The following CDH13 variants were observed in gnomAD, a reference collection of about 807,000 sequenced individuals.
CDH13 encodes cadherin 13, also known as cadherin-13.
CDH13 carries 24 observed loss-of-function variants against 63.8 expected under a neutral mutation model. The observed-to-expected ratio is 0.38, with a 90% CI of 0.27 to 0.53. The LOEUF (loss-of-function observed/expected upper bound fraction) is 0.53. CDH13 is among the 20% of genes least tolerant of loss of function. The pLI is 0.85. For missense variants in CDH13, 1,049 were observed against 903.1 expected (o/e 1.16, Z -2.07); for synonymous variants, 503 against 355.3 (o/e 1.42, Z -4.67).
chr16:82,853,302 C>G (rs979055492), intron 1 of CDH13, among the ~76,000 whole-genome samples: 1 of 152,150 alleles, frequency 6.6e-6, no homozygotes, highest in African/African-American at 2.4e-5. Context: ...ATTCACTGAA[C>G]AGTTTTTTAG....
intron 1 of CDH13, among the ~76,000 whole-genome samples, chr16:82,836,520 G>T (rs2038775433): frequency 6.6e-6 from 1 of 152,092 alleles, no homozygotes; most frequent in South Asian, 2.1e-4. Context: ...ATGCCAAAGT[G>T]GGTGTATGTA....
At chr16:83,423,168 C>A (rs979258530) in intron 6 of CDH13, among the ~76,000 whole-genome samples, 3 of 152,144 alleles carry the variant, frequency 2.0e-5, no homozygotes, top group Non-Finnish European at 4.4e-5. Context: ...CCACAAAAAT[C>A]TGTTTTGTTT....
intron 4 of CDH13, among the ~76,000 whole-genome samples, chr16:83,140,661 G>T (rs907633902): frequency 2.2e-4 from 33 of 152,104 alleles, no homozygotes. Context: ...TGCCATGTTG[G>T]CCAGGCTTGT....
At chr16:82,965,018 C>T (rs1008118834) in intron 2 of CDH13, among the ~76,000 whole-genome samples, 1 of 152,192 alleles carries the variant, frequency 6.6e-6, no homozygotes, top group South Asian at 2.1e-4. Flanking sequence ...GTTTAGCAAT[C>T]GCTGAGTACT....
chr16:83,667,018 GAT>G (rs1914030085), intron 8 of CDH13, among the ~76,000 whole-genome samples: 1 of 131,588 alleles, frequency 7.6e-6, no homozygotes, highest in Admixed American at 8.3e-5. Flanking sequence ...TGGATGGATG[GAT>G]GGATGGATGG....
At chr16:83,255,514 A>C (rs974314585) in intron 5 of CDH13, among the ~76,000 whole-genome samples, 4 of 152,184 alleles carry the variant, frequency 2.6e-5, no homozygotes, top group Non-Finnish European at 5.9e-5. Flanking sequence ...ATGTCCAGTA[A>C]AGAATGGGCT....
chr16:83,598,245 G>C (rs1025825560), intron 7 of CDH13, among the ~76,000 whole-genome samples: 3 of 152,076 alleles, frequency 2.0e-5, no homozygotes, highest in African/African-American at 7.2e-5. Context: ...TGTGATTATA[G>C]TCCCAGCTAC....
chr16:83,739,219 T>G (rs1014333475), intron 10 of CDH13, among the ~76,000 whole-genome samples: 18 of 152,216 alleles, frequency 1.2e-4, no homozygotes, highest in Non-Finnish European at 2.9e-5. Context: ...TCAAGAATTT[T>G]GCTAATGCCA....
At chr16:83,636,994 A>G (rs923649649) in intron 8 of CDH13, among the ~76,000 whole-genome samples, 4 of 152,056 alleles carry the variant, frequency 2.6e-5, no homozygotes, top group African/African-American at 4.8e-5. Flanking sequence ...TTTGATTTGC[A>G]TTTCTCTGCT....
chr16:83,171,010 G>T (rs1269189800), intron 4 of CDH13, among the ~76,000 whole-genome samples: 1 of 151,878 alleles, frequency 6.6e-6, no homozygotes, highest in South Asian at 2.1e-4. Context: ...TTTTTTGAGG[G>T]AAGCTGTATT....
At chr16:82,941,817 C>T (rs997127948) in intron 2 of CDH13, among the ~76,000 whole-genome samples, 2 of 152,192 alleles carry the variant, frequency 1.3e-5, no homozygotes, top group Non-Finnish European at 2.9e-5. Flanking sequence ...CTTGCTCCCT[C>T]ATTGAGTTCC....
rs1339718034 is a variant in CDH13, at chr16:83,309,972, A to G, written c.637-34890A>G. The stretch of plus-strand genomic sequence containing the variant: ...ATAGCAAAACATTTATGAAAGGGAG[A>G]CAGAGCTTCAGATGAGTGGGTACAA... On this transcript the variant is annotated intron_variant, in intron 5 of 13. Transcript: ENST00000567109. Among the ~76,000 whole-genome samples the G allele has an allele frequency of 2.0e-5, 3 of 152,314 alleles. No individual in the cohort carries two copies. In the East Asian group the frequency reaches 5.8e-4, roughly 29 times the overall value.
intron 3 of CDH13, among the ~76,000 whole-genome samples, chr16:83,102,948 CTTTTTTTTTTTT>C (rs71148813): frequency 7.2e-5 from 5 of 69,028 alleles, no homozygotes; most frequent in Admixed American, 3.6e-4. Context: ...TTTTCTTTTT[CTTTTTTTTTTTT>C]TTTTTTTTTT....
intron 2 of CDH13, among the ~76,000 whole-genome samples, chr16:82,966,286 C>T (rs1250418578): frequency 6.6e-6 from 1 of 151,982 alleles, no homozygotes; most frequent in Non-Finnish European, 1.5e-5. Context: ...GTAGCTGGGA[C>T]TACAGGCGCC....
intron 9 of CDH13, among the ~76,000 whole-genome samples, chr16:83,676,177 A>G (rs953710047): frequency 6.6e-5 from 10 of 152,218 alleles, no homozygotes; most frequent in African/African-American, 2.4e-4. Context: ...GGTTATTTCC[A>G]AGCATTTTGA....
rs1193137789 is a variant in CDH13, at chr16:82,639,429, G to A, written c.45+12292G>A. 5 of 1,535,492 alleles carry A rather than the reference G, an allele frequency of 3.3e-6. No individual in the cohort carries two copies. The South Asian group carries it at 4.8e-5, about 15-fold the overall frequency. On this transcript the variant is annotated intron_variant, in intron 1 of 13. Coordinates refer to ENST00000567109, the MANE Select transcript of CDH13 (RefSeq NM_001257.5). ...ATCCCAGTGAGAATGGCCCACAGATGCCTGGGCGTGACCCACCTGCAGCTT... is the reference window on the plus strand; with the variant it reads ...ATCCCAGTGAGAATGGCCCACAGATACCTGGGCGTGACCCACCTGCAGCTT...
At chr16:83,770,316 C>T (rs1010794905) in intron 11 of CDH13, among the ~76,000 whole-genome samples, 2 of 152,180 alleles carry the variant, frequency 1.3e-5, no homozygotes, top group East Asian at 1.9e-4. Flanking sequence ...GGCTCTGGCT[C>T]TTATGGACGG....
At chr16:82,879,251 A>C (rs979535882) in intron 2 of CDH13, among the ~76,000 whole-genome samples, 2 of 151,888 alleles carry the variant, frequency 1.3e-5, no homozygotes, top group African/African-American at 4.8e-5. Context: ...AACCTAGAAA[A>C]AGCTCCTTAG....
At chr16:83,486,706 T>A in intron 7 of CDH13, 51 bp downstream of exon 7, 1 of 1,554,168 alleles carries the variant, frequency 6.4e-7, no homozygotes, top group Non-Finnish European at 8.9e-7. Context: ...AATGTGGCTT[T>A]CATGCAAGGG....
Sources: gnomAD v4.1 joint callset for allele counts (sites outside exome capture counted in the v4.1 genomes callset) on GRCh38, gnomAD v4.1.1 for gene constraint, MANE v1.5 for transcripts, NCBI Gene and HGNC (gene_info 2026-07-23, HGNC 2026-07-21) for gene names.